Variants in AMZ1 observed in about 807,000 individuals in gnomAD.
The protein encoded by AMZ1 is archaemetzincin-1.
A neutral mutation model predicts 29.9 loss-of-function variants in AMZ1; 39 were observed. That is an observed-to-expected ratio of 1.30 (90% CI 1.01 to 1.70). The LOEUF (loss-of-function observed/expected upper bound fraction) is 1.70, where lower values mean the gene tolerates loss of function less well. Ranked by LOEUF, AMZ1 falls within the 40% of genes most tolerant of loss-of-function variation. The pLI, the probability that AMZ1 is intolerant of heterozygous loss-of-function variation, is 0.00. For synonymous variants in AMZ1, 458 were observed against 304.0 expected, an observed-to-expected ratio of 1.51 and a Z score of -5.27; for missense variants, 1,041 against 680.6, an observed-to-expected ratio of 1.53 and a Z score of -5.89.
chr7:2,709,326 C>T (rs1362880226), intron 5 of AMZ1, 82 bp downstream of exon 5: 67 of 1,352,494 alleles, frequency 5.0e-5, no homozygotes, highest in Non-Finnish European at 6.2e-5. Flanking sequence ...TTACACTGCC[C>T]CATCCTCACA....
intron 4 of AMZ1, among the ~76,000 whole-genome samples, chr7:2,734,273 A>G (rs946665289): frequency 4.6e-5 from 7 of 152,218 alleles, no homozygotes; most frequent in Admixed American, 3.9e-4. Context: ...CAGCCCGCAT[A>G]TGAACAGGCA....
intron 2 of AMZ1, among the ~76,000 whole-genome samples, chr7:2,701,450 G>C (rs1170275573): frequency 1.3e-5 from 2 of 152,168 alleles, no homozygotes; most frequent in African/African-American, 2.4e-5. Context: ...GTGGGGGCTT[G>C]AGGGCCCAGA....
chr7:2,682,268 C>A (rs920958394), intron 1 of AMZ1, among the ~76,000 whole-genome samples: 9 of 149,536 alleles, frequency 6.0e-5, no homozygotes, highest in Non-Finnish European at 1.2e-4. Context: ...CTGAGAGGGT[C>A]CCCAGCTACC....
Position 2,709,081 on chromosome 7 carries a change from G to A in AMZ1, c.608G>A (p.Gly203Asp). 6.3e-7 allele frequency: 1 copy of A among 1,589,442 alleles called. No homozygotes were observed. The highest frequency in any genetic ancestry group is 8.6e-7 in the Non-Finnish European group (1 of 1,167,994). The change falls in exon 5 of 7, where the codon GGC becomes GAC. Residue 203 changes from glycine (G) to aspartate (D), a missense_variant. Physicochemically the swap from Gly to Asp is moderately conservative, Grantham distance 94. Transcript: ENST00000683327. ...FSKFLPGHEV[G>D]VCSFARFSGE... ...TCTCTCCATCTCTCTCCAGAAGTGG[G>A]CGTCTGCAGCTTCGCCCGGTTCTCA...
upstream of AMZ1, chr7:2,762,488 C>T (rs758629683): frequency 3.9e-6 from 3 of 765,146 alleles, no homozygotes; most frequent in Non-Finnish European, 6.0e-6. Flanking sequence ...TGTGCGGGGC[C>T]TGAGGTGTGA....
At chr7:2,703,901 T>C (rs1004537886) in intron 3 of AMZ1, among the ~76,000 whole-genome samples, 3 of 152,246 alleles carry the variant, frequency 2.0e-5, no homozygotes, top group Non-Finnish European at 2.9e-5. Context: ...GGTACTTTTT[T>C]TTTCTGAGAC....
chr7:2,704,079 C>A (rs532245783), intron 3 of AMZ1, among the ~76,000 whole-genome samples: 2 of 152,156 alleles, frequency 1.3e-5, no homozygotes, highest in African/African-American at 4.8e-5. Context: ...TTAGTAGAGA[C>A]GGGATTTCAC....
At chr7:2,693,556 T>C (rs538238767) in intron 1 of AMZ1, among the ~76,000 whole-genome samples, 2 of 152,104 alleles carry the variant, frequency 1.3e-5, no homozygotes, top group Admixed American at 6.5e-5. Flanking sequence ...ATTTTTGTTT[T>C]GTTTTGTTTT....
At chr7:2,698,654 T>C (rs1787878103) in intron 1 of AMZ1, among the ~76,000 whole-genome samples, 2 of 152,118 alleles carry the variant, frequency 1.3e-5, no homozygotes, top group South Asian at 2.1e-4. Context: ...CTGGGCAACA[T>C]AGTGAGACCC....
rs372453562 is a variant in AMZ1 at position 2,705,762 on chromosome 7, C to T, written c.473-2826C>T. 3.9e-5 allele frequency among the ~76,000 whole-genome samples: 6 copies of T among 152,342 alleles called. No homozygotes were observed. In the East Asian group the frequency reaches 5.8e-4, roughly 15 times the overall value. ...CTGCTTTCTGGGTACAGCCTACACT[C>T]CACAGGCTTCCCCAGCCCCTGAGGT... is the stretch of plus-strand genomic sequence containing the variant. On this transcript the variant is annotated intron_variant, in intron 3 of 6. Coordinates refer to ENST00000683327, the MANE Select transcript of AMZ1 (RefSeq NM_001384743.1).
At chr7:2,693,500 C>A (rs1316042868) in intron 1 of AMZ1, among the ~76,000 whole-genome samples, 1 of 152,152 alleles carries the variant, frequency 6.6e-6, no homozygotes, top group Non-Finnish European at 1.5e-5. Flanking sequence ...CGACCTCAGC[C>A]TCTCGAGTAA....
At chr7:2,699,475 C>G (rs1583157395) in intron 1 of AMZ1, among the ~76,000 whole-genome samples, 1 of 152,172 alleles carries the variant, frequency 6.6e-6, no homozygotes, top group Non-Finnish European at 1.5e-5. Flanking sequence ...ATCTGGATCT[C>G]GGGCCCTCAC....
chr7:2,696,459 A>T (rs113637655), intron 1 of AMZ1, among the ~76,000 whole-genome samples: 6 of 148,670 alleles, frequency 4.0e-5, no homozygotes, highest in East Asian at 2.1e-4. Flanking sequence ...GGGTTTCACC[A>T]TGTTAGCCAG....
chr7:2,691,403 G>A (rs1473153316), intron 1 of AMZ1, among the ~76,000 whole-genome samples: 1 of 148,484 alleles, frequency 6.7e-6, no homozygotes, highest in African/African-American at 2.6e-5. Context: ...TATGACATGG[G>A]TGAATCTCAG....
intron 4 of AMZ1, among the ~76,000 whole-genome samples, chr7:2,733,710 C>A (rs1790016698): frequency 6.6e-6 from 1 of 152,206 alleles, no homozygotes; most frequent in Non-Finnish European, 1.5e-5. Context: ...TTAGCTCCAA[C>A]CCCAAGGTTC....
At chr7:2,729,267 C>A (rs942025181) in intron 4 of AMZ1, 1 of 152,358 alleles carries the variant, frequency 6.6e-6, no homozygotes, top group Non-Finnish European at 1.5e-5. Flanking sequence ...ACGCTCCGGA[C>A]CGGGCTGCGC....
chr7:2,733,543 G>GCTGT, intron 4 of AMZ1: 2 of 1,521,742 alleles, frequency 1.3e-6, no homozygotes, highest in Non-Finnish European at 1.8e-6. Context: ...TCTGGACTGA[G>GCTGT]GAATCCTGAT....
rs574964249 is a variant in AMZ1 at position 2,718,998 on chromosome 7, G to T, written c.*6120G>T. 6.9e-6 allele frequency among the ~76,000 whole-genome samples: 1 copy of T among 145,560 alleles called. No homozygotes were observed. Among genetic ancestry groups the T allele is most frequent in the Non-Finnish European group, 1.5e-5 (1 of 67,094 alleles). On this transcript the variant is annotated 3_prime_UTR_variant, in exon 7 of 7. Coordinates refer to ENST00000683327, the MANE Select transcript of AMZ1 (RefSeq NM_001384743.1). ...AAGGAAAGAGGGAGGGAAGCTGCAA[G>T]AACAGGCGACTTTTTTTTTTTTTTT...
At chr7:2,721,272 C>T (rs1789409310), downstream of AMZ1, among the ~76,000 whole-genome samples, 2 of 152,218 alleles carry the variant, frequency 1.3e-5, no homozygotes, top group Admixed American at 1.3e-4. Context: ...TGAGCGCTCA[C>T]CTCACTCTCC....
Sources: allele counts gnomAD v4.1 joint callset (sites outside exome capture counted in the v4.1 genomes callset), GRCh38; gene constraint gnomAD v4.1.1; transcripts MANE v1.5; gene names NCBI Gene and HGNC (gene_info 2026-07-23, HGNC 2026-07-21).